The following PARD3B variants were observed in gnomAD, a reference collection of about 807,000 sequenced individuals.
PARD3B encodes the protein partitioning defective 3 homolog B.
In PARD3B, 103 loss-of-function variants were observed where a neutral mutation model predicts 130.2. The ratio of observed to expected loss-of-function variants is 0.79; its 90% CI spans 0.67 to 0.93. The LOEUF is 0.93. Ranked by LOEUF, PARD3B falls within the 40% of genes least tolerant of loss-of-function variation. The pLI is 0.00. For missense variants in PARD3B, 1,609 were observed against 1,499.2 expected, an observed-to-expected ratio of 1.07 and a Z score of -1.21; for synonymous variants, 583 against 553.2, an observed-to-expected ratio of 1.05 and a Z score of -0.76.
chr2:204,820,500 G>C (rs1414470427), intron 2 of PARD3B, among the ~76,000 whole-genome samples: 3 of 151,526 alleles, frequency 2.0e-5, no homozygotes, highest in Non-Finnish European at 4.4e-5. Context: ...TCTTGTTAGG[G>C]ATTAATGCAG....
intron 3 of PARD3B, among the ~76,000 whole-genome samples, chr2:204,989,363 C>T (rs1202057734): frequency 6.6e-6 from 1 of 152,046 alleles, no homozygotes; most frequent in Non-Finnish European, 1.5e-5. Context: ...GGAACCAGAA[C>T]TGGAAGCACT....
At chr2:204,703,442 A>G (rs58748975) in intron 2 of PARD3B, among the ~76,000 whole-genome samples, 7,163 of 152,252 alleles carry the variant, frequency 0.047, 482 homozygotes, top group East Asian at 0.14. Context: ...AGTGACAGCT[A>G]GTTTATTTCT....
chr2:204,827,979 G>A (rs552070200), intron 2 of PARD3B, among the ~76,000 whole-genome samples: 2 of 152,250 alleles, frequency 1.3e-5, no homozygotes, highest in East Asian at 3.9e-4. Flanking sequence ...TCTGGGAGGT[G>A]GGCGGTTGTA....
intron 20 of PARD3B, among the ~76,000 whole-genome samples, chr2:205,495,073 G>C (rs1559146552): frequency 6.6e-6 from 1 of 152,096 alleles, no homozygotes; most frequent in South Asian, 2.1e-4. Flanking sequence ...TCATTTTTAA[G>C]GCTAGATTCC....
chr2:204,795,267 T>G (rs1408430991), intron 2 of PARD3B, among the ~76,000 whole-genome samples: 1 of 152,166 alleles, frequency 6.6e-6, no homozygotes, highest in Non-Finnish European at 1.5e-5. Flanking sequence ...GCAAACAGAT[T>G]GATAGTGATT....
In PARD3B at chr2:204,563,217, G is replaced by GTCTGTCTC. The variant is rs1553541986; in HGVS notation, c.120+17101_120+17102insGTCTCTCT. ...CGTTTTTACATGCCGTCTTCCCGCT[G>GTCTGTCTC]TCTCTCTCTCTCTCTCTCTCTCTCT... On this transcript the variant is annotated intron_variant, in intron 1 of 22. Coordinates refer to ENST00000406610, the MANE Select transcript of PARD3B (RefSeq NM_001302769.2). Among the ~76,000 whole-genome samples, 107 of 86,644 alleles carry GTCTGTCTC rather than the reference G, an allele frequency of 1.2e-3. 3 individuals are homozygous for GTCTGTCTC. Among genetic ancestry groups the GTCTGTCTC allele is most frequent in the African/African-American group, 3.7e-3 (83 of 22,458 alleles). The allele number at this position is 86,644 out of a possible 152,430, so 56.8% of individuals were successfully genotyped here.
At chr2:205,570,820 G>A (rs112600834) in intron 22 of PARD3B, among the ~76,000 whole-genome samples, 8 of 152,110 alleles carry the variant, frequency 5.3e-5, no homozygotes, top group South Asian at 2.1e-4. Context: ...GTTCTCATCC[G>A]CAGAAAGTAG....
At chr2:204,568,092 C>G (rs966945590) in intron 1 of PARD3B, among the ~76,000 whole-genome samples, 1 of 152,002 alleles carries the variant, frequency 6.6e-6, no homozygotes, top group Non-Finnish European at 1.5e-5. Context: ...GGGCAAATAA[C>G]CTTTTAGACT....
At chr2:204,863,297 C>T (rs1397924358) in intron 2 of PARD3B, among the ~76,000 whole-genome samples, 1 of 152,202 alleles carries the variant, frequency 6.6e-6, no homozygotes, top group African/African-American at 2.4e-5. Context: ...GTATACCTGA[C>T]TCCCAGTGCC....
chr2:205,339,629 C>T (rs72942273), intron 18 of PARD3B, among the ~76,000 whole-genome samples: 175 of 152,264 alleles, frequency 1.1e-3, no homozygotes, highest in South Asian at 3.5e-3. Context: ...AGTGCAGCAA[C>T]ATGTCTGCTA....
intron 1 of PARD3B, among the ~76,000 whole-genome samples, chr2:204,569,499 G>T (rs2125066402): frequency 6.6e-6 from 1 of 152,304 alleles, no homozygotes; most frequent in Admixed American, 6.5e-5. Context: ...TATTCATTGG[G>T]GAATGTGACT....
intron 1 of PARD3B, among the ~76,000 whole-genome samples, chr2:204,562,192 G>A (rs1199548485): frequency 6.6e-6 from 1 of 152,144 alleles, no homozygotes; most frequent in Admixed American, 6.5e-5. Flanking sequence ...AGTAGTTGGG[G>A]TGTGCTAAAT....
At chr2:205,057,066 T>A (rs1396547121) in intron 4 of PARD3B, among the ~76,000 whole-genome samples, 1 of 151,684 alleles carries the variant, frequency 6.6e-6, no homozygotes, top group Non-Finnish European at 1.5e-5. Flanking sequence ...ATTTGCATAG[T>A]CTCATAAAAT....
chr2:204,883,366 A>G (rs1244830785), intron 2 of PARD3B, among the ~76,000 whole-genome samples: 2 of 140,878 alleles, frequency 1.4e-5, no homozygotes, highest in East Asian at 2.0e-4. Context: ...TGCATTAACT[A>G]TATTTTCTTT....
intron 3 of PARD3B, among the ~76,000 whole-genome samples, chr2:204,976,781 AT>A (rs962026471): frequency 2.7e-5 from 4 of 150,676 alleles, no homozygotes; most frequent in Admixed American, 2.0e-4. Context: ...TAATTTTCGT[AT>A]TTTTTTTAGT....
chr2:205,332,803 G>A (rs1181077744), intron 18 of PARD3B, among the ~76,000 whole-genome samples: 3 of 152,248 alleles, frequency 2.0e-5, no homozygotes, highest in Middle Eastern at 6.8e-3. Context: ...AGTGTGCAAA[G>A]TACCTAGTTA....
rs556555783 is a variant in PARD3B, at chr2:205,617,711, A to G, written c.*1898A>G. 19 of 152,332 alleles carry G rather than the reference A, an allele frequency of 1.2e-4. No homozygotes were observed. Among genetic ancestry groups the G allele is most frequent in the African/African-American group, 4.1e-4 (17 of 41,564 alleles). 9.4% of individuals were successfully genotyped at this position (152,332 alleles called of 1,614,324 possible). On this transcript the variant is annotated 3_prime_UTR_variant, in exon 23 of 23. Transcript: ENST00000406610. Reference sequence around the variant, plus strand: ...TGGTTGAGGATCTCAGGCCCTGCTCACGTGAGGTGGAGTGCAGGGGAGCTA... The same window carrying G: ...TGGTTGAGGATCTCAGGCCCTGCTCGCGTGAGGTGGAGTGCAGGGGAGCTA...
rs2053589669 is a variant in PARD3B, at chr2:205,572,396, G to T, written c.3260+18993G>T. Among the ~76,000 whole-genome samples the T allele has an allele frequency of 6.6e-6, 1 of 152,176 alleles. No individual in the cohort carries two copies. The highest frequency in any genetic ancestry group is 2.4e-5 in the African/African-American group (1 of 41,446). ...TTGAAGGTGTTTAAAGAAAGAAATG[G>T]TTTAATCAGATTTGCACTGTAGAGA... On this transcript the variant is annotated intron_variant, in intron 22 of 22. Coordinates refer to ENST00000406610, the MANE Select transcript of PARD3B (RefSeq NM_001302769.2). The surrounding 1 kb of genome is among the most constrained non-coding windows in gnomAD (Gnocchi z 4.2).
In PARD3B at chr2:204,623,558, A is replaced by C. The variant is rs2034378301; in HGVS notation, c.121-62623A>C. ...TGCAGTCCATGACCTTTTGAGAATGACTTTTTTTTTCTACTTGGCATAATG... is the reference window on the plus strand; with the variant it reads ...TGCAGTCCATGACCTTTTGAGAATGCCTTTTTTTTTCTACTTGGCATAATG... On this transcript the variant is annotated intron_variant, in intron 1 of 22. Transcript: ENST00000406610. This position sits in a 1 kb window ranked among gnomAD's most constrained non-coding sequence, Gnocchi z 4.5. 6.6e-6 allele frequency among the ~76,000 whole-genome samples: 1 copy of C among 152,024 alleles called. No homozygotes were observed. The highest frequency in any genetic ancestry group is 2.4e-5 in the African/African-American group (1 of 41,388).
Sources: gnomAD v4.1 joint callset for allele counts (sites outside exome capture counted in the v4.1 genomes callset) on GRCh38, gnomAD v4.1.1 for gene constraint, Gnocchi (gnomAD v3.1) non-coding constraint, MANE v1.5 for transcripts, NCBI Gene and HGNC (gene_info 2026-07-23, HGNC 2026-07-21) for gene names.